IRAK1: variants seen among roughly 807,000 people sequenced by gnomAD.
IRAK1 encodes the protein interleukin-1 receptor-associated kinase 1.
A neutral mutation model predicts 49.8 loss-of-function variants in IRAK1; 9 were observed. That is an observed-to-expected ratio of 0.18 (90% CI 0.11 to 0.32). The LOEUF is 0.32. Among genes scored for constraint, IRAK1 ranks in the 10% least tolerant of loss-of-function variants. IRAK1 has a pLI of 1.00. For missense variants in IRAK1, 418 were observed against 600.5 expected (o/e 0.70, Z 3.18); for synonymous variants, 282 against 270.8 (o/e 1.04, Z -0.41).
intron 4 of IRAK1, 30 bp from the exon 5 acceptor site, chrX:154,018,817 G>T: frequency 1.3e-6 from 1 of 755,076 alleles, no homozygotes; most frequent in Non-Finnish European, 2.0e-6. Context: ...ATCAGGTGGG[G>T]TCCCTGTCTC....
chrX:154,018,918 A>C lies in IRAK1; in HGVS notation c.540+57T>G. ...TGACTGGGGCTCTGCGCTACATCAAAGGCTGAATTCCTTCCTCCTTGTCTC... is the reference window on the plus strand; with the variant it reads ...TGACTGGGGCTCTGCGCTACATCAACGGCTGAATTCCTTCCTCCTTGTCTC... On this transcript the variant is annotated intron_variant, in intron 4 of 13. Coordinates refer to ENST00000369980, the MANE Select transcript of IRAK1 (RefSeq NM_001569.4). 3 of 1,021,950 alleles carry C rather than the reference A, an allele frequency of 2.9e-6. No individual in the cohort carries two copies. The South Asian group carries it at 6.6e-5, about 23-fold the overall frequency. The allele number at this position is 1,021,950 out of a possible 1,213,427, so 84.2% of individuals were successfully genotyped here.
chrX:154,010,841 G>A lies in IRAK1; in HGVS notation c.*1018C>T, dbSNP rs781852540. Reference sequence around the variant, plus strand: ...GGTAGTGGCCCCTCTGCCACAATCAGTGCCTGGGCCTGAGGCTGAGCTTGT... The same window carrying A: ...GGTAGTGGCCCCTCTGCCACAATCAATGCCTGGGCCTGAGGCTGAGCTTGT... On this transcript the variant is annotated 3_prime_UTR_variant, in exon 14 of 14. Transcript: ENST00000369980. 5 of 297,089 alleles carry A rather than the reference G, an allele frequency of 1.7e-5. No homozygotes were observed. The highest frequency in any genetic ancestry group is 2.7e-5 in the African/African-American group (1 of 36,504). 24.5% of individuals were successfully genotyped at this position (297,089 alleles called of 1,213,427 possible).
At position 154,013,583 on chromosome X, in the gene IRAK1, G is replaced by T. The variant is rs1359719061; in HGVS notation, c.1540-150C>A. The T allele has an allele frequency of 5.6e-6, 3 of 534,936 alleles. No homozygotes were observed. In the East Asian group the frequency reaches 1.2e-4, roughly 21 times the overall value. The allele number at this position is 534,936 out of a possible 1,213,427, so 44.1% of individuals were successfully genotyped here. ...TGCAGCTGGGAACGCTCTGCCCCTC[G>T]CCCCTCTGTTCCCATCACAGGGAGT... On this transcript the variant is annotated intron_variant, in intron 11 of 13. Coordinates refer to ENST00000369980, the MANE Select transcript of IRAK1 (RefSeq NM_001569.4).
In IRAK1 at chrX:154,011,264, T is replaced by A. The variant is rs1400891099; in HGVS notation, c.*595A>T. On this transcript the variant is annotated 3_prime_UTR_variant, in exon 14 of 14. Transcript: ENST00000369980. The stretch of plus-strand genomic sequence containing the variant: ...CACGCCAGGCTAATAGTTTAAAAAA[T>A]TTTTTGGCAGAGACAGGGTCTCATC... 32 of 257,229 alleles carry A rather than the reference T, an allele frequency of 1.2e-4. 1 individual carries two copies. Among genetic ancestry groups the A allele is most frequent in the Admixed American group, 1.0e-3 (21 of 20,230 alleles). The allele number at this position is 257,229 out of a possible 1,213,427, so 21.2% of individuals were successfully genotyped here.
chrX:154,015,944 T>A (rs1458153257), intron 10 of IRAK1, 88 bp downstream of exon 10: 1 of 785,410 alleles, frequency 1.3e-6, no homozygotes, highest in Non-Finnish European at 2.0e-6. Context: ...CCATGGGCAC[T>A]GCGCCCCAGT....
Position 154,012,648 on chromosome X carries a change from G to A in IRAK1, c.1961C>T (p.Ser654Leu), listed in dbSNP as rs782506846. ...GLALGSSASS[S>L]SEPPQIIINP... ...GATGATAATCTGCGGTGGCTCTGAC[G>A]ACGATGATGCAGAGCTGCCAAGGGC... Residue 654 changes from serine (S) to leucine (L), a missense_variant, in exon 13 of 14, where the codon TCG becomes TTG. Around this residue, in one of 3 missense-constraint regions of IRAK1, gnomAD observed 377 missense variants for 499.5 expected, o/e 0.75. Transcript: ENST00000369980. 4 of 1,210,310 alleles carry A rather than the reference G, an allele frequency of 3.3e-6. No homozygotes were observed. The highest frequency in any genetic ancestry group is 3.5e-5 in the African/African-American group (2 of 57,476).
Position 154,017,880 on chromosome X carries a change from T to C in IRAK1, c.909+126A>G, listed in dbSNP as rs2065751080. 2.8e-5 allele frequency: 13 copies of C among 458,538 alleles called. No homozygotes were observed. The South Asian group carries it at 3.1e-4, about 11-fold the overall frequency. 37.8% of individuals were successfully genotyped at this position (458,538 alleles called of 1,213,427 possible). Reference sequence around the variant, plus strand: ...CCGGGTGCTGCTGGGGAGCTGGAAGTGCAGGCCTGGCCTGCTGGCAGGACC... The same window carrying C: ...CCGGGTGCTGCTGGGGAGCTGGAAGCGCAGGCCTGGCCTGCTGGCAGGACC... On this transcript the variant is annotated intron_variant, in intron 7 of 13. Transcript: ENST00000369980.
In IRAK1 at chrX:154,011,360, G is replaced by T; in HGVS notation, c.*499C>A. The stretch of plus-strand genomic sequence containing the variant: ...CTGCCTTGGCCTCCCAAAGTGCTGG[G>T]ATTACAGGCGTGAGCCACCGCACCC... On this transcript the variant is annotated 3_prime_UTR_variant, in exon 14 of 14. Coordinates refer to ENST00000369980, the MANE Select transcript of IRAK1 (RefSeq NM_001569.4). 3 of 249,393 alleles carry T rather than the reference G, an allele frequency of 1.2e-5. No individual in the cohort carries two copies. Among genetic ancestry groups the T allele is most frequent in the Non-Finnish European group, 2.3e-5 (3 of 132,730 alleles). 20.6% of individuals were successfully genotyped at this position (249,393 alleles called of 1,213,427 possible).
rs373159895 is a variant in IRAK1 at position 154,018,000 on chromosome X, G to A, written c.909+6C>T. 2.6e-5 allele frequency: 30 copies of A among 1,171,639 alleles called. No homozygotes were observed. Among genetic ancestry groups the A allele is most frequent in the Non-Finnish European group, 3.5e-5 (30 of 860,496 alleles). ...CTGGGAAGCGTGCCGGGCCAGGTGA[G>A]CCTACCTGGCAGTGGAGACGGTCCT... is the stretch of plus-strand genomic sequence containing the variant. On this transcript the variant is annotated splice_donor_region_variant and intron_variant, in intron 7 of 13. Coordinates refer to ENST00000369980, the MANE Select transcript of IRAK1 (RefSeq NM_001569.4).
intron 13 of IRAK1, 30 bp downstream of exon 13, chrX:154,012,499 C>A (rs373174495): frequency 1.7e-6 from 2 of 1,189,477 alleles, no homozygotes; most frequent in Admixed American, 2.3e-5. Flanking sequence ...TGCGCCTGAG[C>A]ACCCCAGAGG....
Position 154,019,465 on chromosome X carries a change from C to A in IRAK1, c.270G>T (p.Leu90=), listed in dbSNP as rs1557130855. The A allele has an allele frequency of 2.6e-6, 3 of 1,139,081 alleles. No individual in the cohort carries two copies. Among genetic ancestry groups the A allele is most frequent in the Admixed American group, 4.6e-5 (2 of 43,043 alleles). 93.9% of individuals were successfully genotyped at this position (1,139,081 alleles called of 1,213,427 possible). ...VADLVHILTH[L]QLLRARDIIT... is the part of the protein sequence containing the mutation. ...TGATGTCCCGCGCACGGAGCAGCTG[C>A]AGGTGCGTGAGGATGTGCACGAGGT... The change falls in exon 2 of 14, where the codon CTG becomes CTT. Residue 90 remains leucine (L), a synonymous_variant. Transcript: ENST00000369980.
At chrX:154,014,830 T>C (rs1557128708) in intron 10 of IRAK1, among the ~76,000 whole-genome samples, 1 of 111,720 alleles carries the variant, frequency 9.0e-6, no homozygotes, top group African/African-American at 3.3e-5. Flanking sequence ...AACAGAACCC[T>C]GGGACCCGGT....
Position 154,018,522 on chromosome X carries a change from G to A in IRAK1, c.729+77C>T, listed in dbSNP as rs2065756155. On this transcript the variant is annotated intron_variant, in intron 5 of 13. Transcript: ENST00000369980. ...AGGGCTGAAGGAGTTGTGTGGGGAAGCGAGGGGGAAAGGCTGGAGAAGTGG... is the reference window on the plus strand; with the variant it reads ...AGGGCTGAAGGAGTTGTGTGGGGAAACGAGGGGGAAAGGCTGGAGAAGTGG... 3.1e-6 allele frequency: 3 copies of A among 958,150 alleles called. No individual in the cohort carries two copies. In the Admixed American group the frequency reaches 7.0e-5, roughly 22 times the overall value. 79.0% of individuals were successfully genotyped at this position (958,150 alleles called of 1,213,427 possible).
At chrX:154,016,310 A>G in intron 9 of IRAK1, 127 bp downstream of exon 9, 1 of 660,494 alleles carries the variant, frequency 1.5e-6, no homozygotes, top group Non-Finnish European at 2.4e-6. Flanking sequence ...AGGGAGGGGG[A>G]CCCTGGAGCT....
At position 154,018,647 on chromosome X, in the gene IRAK1, G is replaced by A. The variant is rs1557130306; in HGVS notation, c.681C>T (p.Tyr227=). 8.3e-7 allele frequency: 1 copy of A among 1,210,215 alleles called. No individual in the cohort carries two copies. The highest frequency in any genetic ancestry group is 3.0e-5 in the East Asian group (1 of 33,843). ...ACACCGTGTTCCTCATCACCGCCCG[G>A]TACACGCACCCAAAGCCACCCTCCC... ...KIGEGGFGCV[Y]RAVMRNTVYA... The change falls in exon 5 of 14, where the codon TAC becomes TAT. Residue 227 remains tyrosine (Y), a synonymous_variant. Coordinates refer to ENST00000369980, the MANE Select transcript of IRAK1 (RefSeq NM_001569.4).
chrX:154,018,481 A>T, intron 5 of IRAK1, 118 bp downstream of exon 5: 1 of 884,173 alleles, frequency 1.1e-6, no homozygotes, highest in South Asian at 2.1e-5. Flanking sequence ...GGGGCCAGGG[A>T]CCCTACGCCA....
intron 10 of IRAK1, chrX:154,014,482 C>G (rs2065725374): frequency 2.3e-6 from 1 of 426,890 alleles, no homozygotes; most frequent in South Asian, 3.8e-5. Flanking sequence ...GCTGGTGTTA[C>G]AGGTGTGAGA....
In IRAK1 at chrX:154,011,101, T is replaced by C. The variant is rs1387376337; in HGVS notation, c.*758A>G. 6 of 340,178 alleles carry C rather than the reference T, an allele frequency of 1.8e-5. No individual in the cohort carries two copies. The highest frequency in any genetic ancestry group is 2.9e-5 in the Non-Finnish European group (5 of 169,907). 28.0% of individuals were successfully genotyped at this position (340,178 alleles called of 1,213,427 possible). Reference sequence around the variant, plus strand: ...TTCACTTTTCCCAGGGTTTTTCTTTTTGAAACAGGGTCTTGCTCTGTCACC... The same window carrying C: ...TTCACTTTTCCCAGGGTTTTTCTTTCTGAAACAGGGTCTTGCTCTGTCACC... On this transcript the variant is annotated 3_prime_UTR_variant, in exon 14 of 14. Coordinates refer to ENST00000369980, the MANE Select transcript of IRAK1 (RefSeq NM_001569.4).
Position 154,011,594 on chromosome X carries a change from G to A in IRAK1, c.*265C>T. 4.5e-6 allele frequency: 2 copies of A among 442,706 alleles called. No homozygotes were observed. The highest frequency in any genetic ancestry group is 8.2e-6 in the Non-Finnish European group (2 of 245,224). 36.5% of individuals were successfully genotyped at this position (442,706 alleles called of 1,213,427 possible). On this transcript the variant is annotated 3_prime_UTR_variant, in exon 14 of 14. Coordinates refer to ENST00000369980, the MANE Select transcript of IRAK1 (RefSeq NM_001569.4). ...TCTCCTCCCCTCACGGGTCTGTGCA[G>A]CCAGCAGCCTCCCAACATGCGCCAG... is the stretch of plus-strand genomic sequence containing the variant.
Sources: gnomAD v4.1 joint callset for allele counts (sites outside exome capture counted in the v4.1 genomes callset) on GRCh38, gnomAD v4.1.1 for gene constraint, gnomAD v4.1.1 regional missense constraint, MANE v1.5 for transcripts, NCBI Gene and HGNC (gene_info 2026-07-23, HGNC 2026-07-21) for gene names.